The following PWWP2A variants were observed in gnomAD, a reference collection of about 807,000 sequenced individuals.
PWWP2A encodes PWWP domain-containing protein 2A.
Under a neutral mutation model 48.5 loss-of-function variants are expected in PWWP2A, and 18 were observed. The observed-to-expected ratio is 0.37, with a 90% CI of 0.26 to 0.55. The LOEUF is 0.55. Among genes scored for constraint, PWWP2A ranks in the 20% least tolerant of loss-of-function variants. The pLI, the probability that PWWP2A is intolerant of heterozygous loss-of-function variation, is 0.81. For missense variants in PWWP2A, 867 were observed against 976.4 expected (o/e 0.89, Z 1.49); for synonymous variants, 396 against 387.7 (o/e 1.02, Z -0.25).
intron 2 of PWWP2A, chr5:160,080,910 G>A (rs780815799): frequency 1.3e-4 from 97 of 754,470 alleles, no homozygotes; most frequent in South Asian, 3.5e-4. Context: ...TAACTTGCTC[G>A]CTTCACAGAA....
chr5:160,091,376 GTT>G lies in PWWP2A; in HGVS notation c.*1004_*1005del, dbSNP rs368598091. On this transcript the variant is annotated 3_prime_UTR_variant, in exon 2 of 2. Transcript: ENST00000307063. ...TGATTTTATTTACAGCTTTTTTTTG[GTT>G]TTTTTTTTTTTTTTTACATTTCAGA... 0.015 allele frequency: 12,940 copies of G among 842,162 alleles called. No individual in the cohort carries two copies. The highest frequency in any genetic ancestry group is 0.019 in the Middle Eastern group (32 of 1,644). 52.2% of individuals were successfully genotyped at this position (842,162 alleles called of 1,614,324 possible).
chr5:160,055,148 A>T, the PWWP2A span, among the ~76,000 whole-genome samples: 1 of 152,240 alleles, frequency 6.6e-6, no homozygotes, highest in Non-Finnish European at 1.5e-5. Flanking sequence ...GATAGAAAAG[A>T]ATATAGGGTA....
At chr5:160,114,425 C>T (rs142768274) in intron 1 of PWWP2A, among the ~76,000 whole-genome samples, 31 of 150,676 alleles carry the variant, frequency 2.1e-4, no homozygotes, top group African/African-American at 7.6e-4. Context: ...TGCACTACTG[C>T]ACTCCAGCCT....
At chr5:160,052,650 T>C in the PWWP2A span, among the ~76,000 whole-genome samples, 3 of 150,042 alleles carry the variant, frequency 2.0e-5, no homozygotes, top group East Asian at 2.0e-4. Context: ...CTGGAAGGCA[T>C]TGGTCTCTTA....
At chr5:160,081,890 GT>G (rs557867129) in intron 2 of PWWP2A, among the ~76,000 whole-genome samples, 2 of 151,852 alleles carry the variant, frequency 1.3e-5, no homozygotes, top group African/African-American at 4.8e-5. Flanking sequence ...CTTTATAATT[GT>G]TTTTTTAATG....
At chr5:160,088,462 CT>C (rs989790768), downstream of PWWP2A, among the ~76,000 whole-genome samples, 2 of 152,182 alleles carry the variant, frequency 1.3e-5, no homozygotes, top group African/African-American at 4.8e-5. Context: ...GTTGGCCAGG[CT>C]GGTCTCGAAC....
chr5:160,108,621 AG>A (rs1757135672), intron 1 of PWWP2A: 2 of 1,277,280 alleles, frequency 1.6e-6, no homozygotes, highest in Non-Finnish European at 2.0e-6. Flanking sequence ...GTCTCTGTAA[AG>A]AAAAGAAATC....
chr5:160,113,805 A>G lies in PWWP2A; in HGVS notation c.584+5000T>C, dbSNP rs141721008. On this transcript the variant is annotated intron_variant, in intron 1 of 1. Coordinates refer to ENST00000307063, the MANE Select transcript of PWWP2A (RefSeq NM_001130864.2). ...AAGCACTAACTTTCAGAAATACGCA[A>G]CTTTCAGAAACATGCCATTCTTTAC... is the stretch of plus-strand genomic sequence containing the variant. Among the ~76,000 whole-genome samples, 342 of 152,360 alleles carry G rather than the reference A, an allele frequency of 2.2e-3. 1 individual carries two copies. Among genetic ancestry groups the G allele is most frequent in the Non-Finnish European group, 3.9e-3 (266 of 68,036 alleles).
At chr5:160,065,309 G>A (rs1252978311) in intron 4 of PWWP2A, 1 of 639,732 alleles carries the variant, frequency 1.6e-6, no homozygotes, top group Admixed American at 2.1e-5. Context: ...CCCCGATTCT[G>A]GCTGTCCTAT....
At chr5:160,065,000 A>C in intron 4 of PWWP2A, 1 of 1,614,126 alleles carries the variant, frequency 6.2e-7, no homozygotes, top group Non-Finnish European at 8.5e-7. Context: ...TTTCCAGATC[A>C]AACAGGATTC....
chr5:160,054,851 A>T, the PWWP2A span, among the ~76,000 whole-genome samples: 1 of 152,158 alleles, frequency 6.6e-6, no homozygotes, highest in Non-Finnish European at 1.5e-5. Flanking sequence ...ATTTTTGCTC[A>T]CATAGGTAAA....
In PWWP2A at chr5:160,093,534, A is replaced by T. The variant is rs377761278; in HGVS notation, c.1116T>A (p.Asp372Glu). Residue 372 changes from aspartate (D) to glutamate (E), a missense_variant, in exon 2 of 2, where the codon GAT (aspartate) becomes GAA (glutamate). Around this residue, in one of 4 missense-constraint regions of PWWP2A, gnomAD observed 382 missense variants for 407.2 expected, o/e 0.94. Coordinates refer to ENST00000307063, the MANE Select transcript of PWWP2A (RefSeq NM_001130864.2). This position sits in a 1 kb window ranked among gnomAD's most constrained non-coding sequence, Gnocchi z 5.8. ...NKKLKTDHKV[D>E]GKNQNESQKR... ...TCTGGCTTTCATTTTGGTTTTTCCC[A>T]TCCACTTTATGGTCAGTTTTCAGTT... The T allele has an allele frequency of 6.2e-7, 1 of 1,613,838 alleles. No homozygotes were observed.
At chr5:160,098,892 C>T (rs1234427947) in intron 1 of PWWP2A, among the ~76,000 whole-genome samples, 2 of 152,170 alleles carry the variant, frequency 1.3e-5, no homozygotes, top group East Asian at 1.9e-4. Flanking sequence ...GCTGAGATCA[C>T]GCCACTGCAC....
At chr5:160,075,096 C>A (rs962819242), downstream of PWWP2A, among the ~76,000 whole-genome samples, 9 of 152,156 alleles carry the variant, frequency 5.9e-5, no homozygotes, top group Middle Eastern at 3.2e-3. Context: ...TATACTGATA[C>A]ATGTATACAT....
chr5:160,066,186 G>A (rs1328337194), intron 4 of PWWP2A, among the ~76,000 whole-genome samples: 3 of 151,526 alleles, frequency 2.0e-5, no homozygotes, highest in Non-Finnish European at 2.9e-5. Context: ...GAAAATGTGT[G>A]TGTGAAAAAT....
intron 1 of PWWP2A, among the ~76,000 whole-genome samples, chr5:160,100,707 C>T (rs1430444482): frequency 6.6e-6 from 1 of 152,156 alleles, no homozygotes; most frequent in Non-Finnish European, 1.5e-5. Context: ...AACTAAATCA[C>T]GGAAGAGGTA....
chr5:160,045,131 T>G, the PWWP2A span, among the ~76,000 whole-genome samples: 1 of 152,142 alleles, frequency 6.6e-6, no homozygotes, highest in Admixed American at 6.6e-5. Context: ...TTTCAAAGCT[T>G]CTTTCTCTGT....
downstream of PWWP2A, among the ~76,000 whole-genome samples, chr5:160,074,827 A>C (rs1199607439): frequency 6.7e-6 from 1 of 150,170 alleles, no homozygotes; most frequent in Non-Finnish European, 1.5e-5. Flanking sequence ...GGCCAGGTGC[A>C]GTGGCTCATG....
downstream of PWWP2A, chr5:160,090,831 T>C: frequency 6.1e-6 from 6 of 983,480 alleles, no homozygotes; most frequent in Non-Finnish European, 7.2e-6. Flanking sequence ...TTAAAAATCT[T>C]GAGATAAACT....
Sources: allele counts gnomAD v4.1 joint callset (sites outside exome capture counted in the v4.1 genomes callset), GRCh38; gene constraint gnomAD v4.1.1; regional missense constraint gnomAD v4.1.1; non-coding constraint Gnocchi (gnomAD v3.1); transcripts MANE v1.5; gene names NCBI Gene and HGNC (gene_info 2026-07-23, HGNC 2026-07-21).